Variants in GNE observed in about 807,000 individuals in gnomAD.
The protein encoded by GNE is glucosamine (UDP-N-acetyl)-2-epimerase/N-acetylmannosamine kinase.
GNE carries 41 observed loss-of-function variants against 61.8 expected under a neutral mutation model. The ratio of observed to expected loss-of-function variants is 0.66; its 90% CI spans 0.52 to 0.86. The LOEUF is 0.86. Among genes scored for constraint, GNE ranks in the 40% least tolerant of loss-of-function variants. The pLI, the probability that GNE is intolerant of heterozygous loss-of-function variation, is 0.00. For synonymous variants in GNE, 264 were observed against 326.4 expected (o/e 0.81, Z 2.06); for missense variants, 608 against 909.1 (o/e 0.67, Z 4.26).
chr9:36,260,595 C>T (rs190076530), upstream of GNE, among the ~76,000 whole-genome samples: 217 of 152,034 alleles, frequency 1.4e-3, 1 homozygote, highest in African/African-American at 5.0e-3. Flanking sequence ...ATTGGCCAGG[C>T]GCGGTGGCTC....
chr9:36,260,073 G>C (rs1830554193), upstream of GNE, among the ~76,000 whole-genome samples: 1 of 151,964 alleles, frequency 6.6e-6, no homozygotes, highest in Non-Finnish European at 1.5e-5. Flanking sequence ...AAATTGATGA[G>C]ACTTAATTAT....
At chr9:36,265,826 A>T (rs1328619828) in intron 1 of GNE, among the ~76,000 whole-genome samples, 2 of 152,222 alleles carry the variant, frequency 1.3e-5, no homozygotes, top group East Asian at 3.8e-4. Context: ...TTGTGCTTCT[A>T]TGAGAATCTG....
chr9:36,262,087 T>C (rs1300531601), upstream of GNE, among the ~76,000 whole-genome samples: 2 of 152,198 alleles, frequency 1.3e-5, no homozygotes, highest in African/African-American at 4.8e-5. Flanking sequence ...GCTGATTACA[T>C]AGGTGTGTTT....
chr9:36,223,398 T>A lies in GNE; in HGVS notation c.1386A>T (p.Lys462Asn). 6.2e-7 allele frequency: 1 copy of A among 1,613,520 alleles called. No individual in the cohort carries two copies. The highest frequency in any genetic ancestry group is 8.5e-7 in the Non-Finnish European group (1 of 1,179,426). ...MCVEAAAEAVKLNCRILGVGI... is the reference protein window; with the variant it reads ...MCVEAAAEAVNLNCRILGVGI... ...CTACTCCCAAAATTCTGCAGTTCAG[T>A]TTTACAGCTTCTGCTGCAGCTTCCA... Residue 462 changes from lysine (K) to asparagine (N), a missense_variant, in exon 8 of 12, where the codon AAA becomes AAT. Transcript: ENST00000642385.
chr9:36,222,405 C>A (rs1274851956), intron 9 of GNE, among the ~76,000 whole-genome samples: 1 of 128,104 alleles, frequency 7.8e-6, no homozygotes, highest in East Asian at 2.2e-4. Flanking sequence ...GGCGACAGAG[C>A]GAGACTCCGT....
chr9:36,239,475 C>T (rs553547137), intron 3 of GNE, among the ~76,000 whole-genome samples: 3 of 147,010 alleles, frequency 2.0e-5, no homozygotes, highest in African/African-American at 5.1e-5. Flanking sequence ...CTTTTTCTCT[C>T]TTTTTTTTTT....
chr9:36,266,490 G>A (rs1360846874), intron 1 of GNE, among the ~76,000 whole-genome samples: 1 of 152,228 alleles, frequency 6.6e-6, no homozygotes, highest in Admixed American at 6.5e-5. Flanking sequence ...TATATTGGCT[G>A]AGGCCAGGAG....
chr9:36,237,695 T>C (rs1281237699), intron 3 of GNE, among the ~76,000 whole-genome samples: 3 of 152,046 alleles, frequency 2.0e-5, no homozygotes, highest in African/African-American at 7.2e-5. Flanking sequence ...ATTGGGGTAT[T>C]AGGTGGTATT....
intron 9 of GNE, 131 bp downstream of exon 9, chr9:36,222,646 G>A: frequency 2.5e-6 from 2 of 789,758 alleles, no homozygotes; most frequent in South Asian, 2.7e-5. Context: ...AAGGCCACAT[G>A]TGGCTCACCT....
chr9:36,259,367 AGTT>A (rs1197150362), upstream of GNE, among the ~76,000 whole-genome samples: 1 of 148,266 alleles, frequency 6.7e-6, no homozygotes, highest in Non-Finnish European at 1.5e-5. Flanking sequence ...CTTTGAATGA[AGTT>A]GATGATACAA....
chr9:36,222,910 A>C lies in GNE; in HGVS notation c.1500T>G (p.Leu500=). The C allele has an allele frequency of 6.2e-7, 1 of 1,614,148 alleles. No individual in the cohort carries two copies. Among genetic ancestry groups the C allele is most frequent in the South Asian group, 1.1e-5 (1 of 91,074 alleles). Residue 500 remains leucine (L), a synonymous_variant, in exon 9 of 12, where the codon CTT becomes CTG. Coordinates refer to ENST00000642385, the MANE Select transcript of GNE (RefSeq NM_005476.7). ...KLIQEWNSVD[L]RTPLSDTLHL... Reference sequence around the variant, plus strand: ...GCAAAGTGTCAGAAAGGGGGGTCCTAAGGTCCACAGAGTTCCACTCTTGGA... The same window carrying C: ...GCAAAGTGTCAGAAAGGGGGGTCCTCAGGTCCACAGAGTTCCACTCTTGGA...
intron 1 of GNE, among the ~76,000 whole-genome samples, chr9:36,268,796 G>A (rs1830904657): frequency 6.6e-6 from 1 of 152,070 alleles, no homozygotes; most frequent in African/African-American, 2.4e-5. Flanking sequence ...GTAAGCTAAG[G>A]AAACAGCCAA....
Position 36,251,486 on chromosome 9 carries a change from C to T in GNE, c.-42-2089G>A, listed in dbSNP as rs115831389. ...AGAGTGCAGTAGCTATTCACAAGCA[C>T]GATCATAGCTCATTGCAGCCTGGAA... On this transcript the variant is annotated intron_variant, in intron 1 of 11. Coordinates refer to ENST00000642385, the MANE Select transcript of GNE (RefSeq NM_005476.7). Among the ~76,000 whole-genome samples, 1,392 of 152,224 alleles carry T rather than the reference C, an allele frequency of 9.1e-3. 20 individuals carry two copies. Among genetic ancestry groups the T allele is most frequent in the African/African-American group, 0.031 (1,269 of 41,536 alleles).
chr9:36,260,823 C>G (rs996868060), upstream of GNE, among the ~76,000 whole-genome samples: 7 of 143,226 alleles, frequency 4.9e-5, no homozygotes, highest in Non-Finnish European at 1.0e-4. Context: ...GAGCCGAGAT[C>G]GCACCACTGC....
Position 36,273,660 on chromosome 9 carries a change from C to CT in GNE, c.51+3233dup, listed in dbSNP as rs11307863. On this transcript the variant is annotated intron_variant, in intron 1 of 11. Coordinates refer to the GNE transcript ENST00000396594. The stretch of plus-strand genomic sequence containing the variant: ...TGTCACTCTTGGCCAATTTGGAACT[C>CT]TTTTTTTTTTTTTTTGAGACAGAGT... 4.2e-3 allele frequency among the ~76,000 whole-genome samples: 582 copies of CT among 139,504 alleles called. 3 individuals are homozygous for CT. Among genetic ancestry groups the CT allele is most frequent in the Middle Eastern group, 0.015 (4 of 260 alleles). The allele number at this position is 139,504 out of a possible 152,430, so 91.5% of individuals were successfully genotyped here. A position where few individuals can be genotyped will look rare whatever the true frequency, so the allele number is the denominator to read the frequency against.
intron 1 of GNE, among the ~76,000 whole-genome samples, chr9:36,272,093 A>G (rs1266267246): frequency 2.0e-5 from 3 of 152,184 alleles, no homozygotes; most frequent in East Asian, 1.9e-4. Flanking sequence ...AATCTTTATA[A>G]TAAGTCAAGC....
chr9:36,243,242 A>G (rs988074696), intron 3 of GNE, among the ~76,000 whole-genome samples: 8 of 151,970 alleles, frequency 5.3e-5, no homozygotes, highest in African/African-American at 1.7e-4. Flanking sequence ...ACAGAGTTTC[A>G]CCACGTTGCC....
rs1159060996 is a variant in GNE, at chr9:36,216,970, C to T, written c.*395G>A. Reference sequence around the variant, plus strand: ...TACAGGCGTGAGCCACTGTGCCCGGCCTGGAAGGATTATTAATGCAAACTT... The same window carrying T: ...TACAGGCGTGAGCCACTGTGCCCGGTCTGGAAGGATTATTAATGCAAACTT... On this transcript the variant is annotated 3_prime_UTR_variant, in exon 12 of 12. Coordinates refer to ENST00000642385, the MANE Select transcript of GNE (RefSeq NM_005476.7). 2 of 303,158 alleles carry T rather than the reference C, an allele frequency of 6.6e-6. No homozygotes were observed. The highest frequency in any genetic ancestry group is 8.8e-5 in the East Asian group (1 of 11,426). 18.8% of individuals were successfully genotyped at this position (303,158 alleles called of 1,614,324 possible).
At chr9:36,245,494 G>A (rs1328651445) in intron 3 of GNE, among the ~76,000 whole-genome samples, 2 of 151,862 alleles carry the variant, frequency 1.3e-5, no homozygotes, top group Non-Finnish European at 2.9e-5. Context: ...AGACCAGCCT[G>A]GCCAACGTGG....
Sources: gnomAD v4.1 joint callset for allele counts (sites outside exome capture counted in the v4.1 genomes callset) on GRCh38, gnomAD v4.1.1 for gene constraint, MANE v1.5 for transcripts, NCBI Gene and HGNC (gene_info 2026-07-23, HGNC 2026-07-21) for gene names.